Variants in COL10A1 observed in about 807,000 individuals in gnomAD.
COL10A1 encodes the protein collagen type X alpha 1 chain.
COL10A1 carries 10 observed loss-of-function variants against 18.2 expected under a neutral mutation model. The ratio of observed to expected loss-of-function variants is 0.55; its 90% CI spans 0.34 to 0.93. COL10A1 has a LOEUF of 0.93. Ranked by LOEUF, COL10A1 falls within the 40% of genes least tolerant of loss-of-function variation. COL10A1 has a pLI of 0.02. For missense variants in COL10A1, 897 were observed against 853.5 expected (o/e 1.05, Z -0.64); for synonymous variants, 330 against 316.6 (o/e 1.04, Z -0.45).
chr6:116,129,236 A>G (rs1779404257), upstream of COL10A1, among the ~76,000 whole-genome samples: 1 of 152,214 alleles, frequency 6.6e-6, no homozygotes, highest in African/African-American at 2.4e-5. Context: ...AAACATATGT[A>G]TACACATGTC....
At chr6:116,171,898 G>A in the COL10A1 span, among the ~76,000 whole-genome samples, 1 of 152,192 alleles carries the variant, frequency 6.6e-6, no homozygotes, top group African/African-American at 2.4e-5. Context: ...ATACAGGGAA[G>A]TTTAAGTCCG....
intron 1 of COL10A1, among the ~76,000 whole-genome samples, chr6:116,139,848 C>T (rs2114360626): frequency 1.3e-5 from 2 of 152,276 alleles, no homozygotes; most frequent in Non-Finnish European, 2.9e-5. Flanking sequence ...AGACCTAGTA[C>T]AGCACTTGAG....
At chr6:116,161,108 G>T (rs891340864), upstream of COL10A1, among the ~76,000 whole-genome samples, 15 of 149,100 alleles carry the variant, frequency 1.0e-4, no homozygotes, top group Non-Finnish European at 1.0e-4. Flanking sequence ...ACCAAACACC[G>T]CATGTTCTCA....
the COL10A1 span, among the ~76,000 whole-genome samples, chr6:116,206,457 A>G: frequency 1.3e-5 from 2 of 151,986 alleles, no homozygotes; most frequent in African/African-American, 2.4e-5. Context: ...ACTTGACTCA[A>G]GACTGTCTGA....
chr6:116,192,475 G>A, the COL10A1 span, among the ~76,000 whole-genome samples: 1 of 151,964 alleles, frequency 6.6e-6, no homozygotes, highest in Non-Finnish European at 1.5e-5. Context: ...ACAGATGAAA[G>A]ACTTGAAATG....
the COL10A1 span, among the ~76,000 whole-genome samples, chr6:116,193,592 A>G: frequency 6.6e-6 from 1 of 152,092 alleles, no homozygotes; most frequent in Non-Finnish European, 1.5e-5. Context: ...AGTCACTAAT[A>G]TACACAGAAT....
intron 1 of COL10A1, among the ~76,000 whole-genome samples, chr6:116,132,130 A>G (rs564492382): frequency 1.1e-4 from 16 of 152,248 alleles, no homozygotes; most frequent in African/African-American, 3.4e-4. Context: ...TATAGTGAAT[A>G]ACTTTGTGTG....
At chr6:116,139,459 C>T (rs915751827) in intron 1 of COL10A1, among the ~76,000 whole-genome samples, 1 of 151,940 alleles carries the variant, frequency 6.6e-6, no homozygotes, top group Non-Finnish European at 1.5e-5. Context: ...CTTTCAGTGT[C>T]GATACCACAA....
intron 1 of COL10A1, among the ~76,000 whole-genome samples, chr6:116,133,516 A>G (rs535524579): frequency 2.2e-4 from 34 of 152,300 alleles, no homozygotes; most frequent in African/African-American, 6.3e-4. Context: ...TTAAGTACCT[A>G]TAGGGCACCT....
At chr6:116,215,231 A>G in the COL10A1 span, among the ~76,000 whole-genome samples, 70 of 152,328 alleles carry the variant, frequency 4.6e-4, no homozygotes, top group Non-Finnish European at 9.0e-4. Flanking sequence ...CTTCTTACCC[A>G]GCTTTCTGGA....
intron 1 of COL10A1, among the ~76,000 whole-genome samples, chr6:116,144,789 C>T (rs1403181695): frequency 2.0e-5 from 3 of 151,988 alleles, no homozygotes; most frequent in East Asian, 3.9e-4. Context: ...GGTATTTGTC[C>T]CTGACAACTG....
the COL10A1 span, among the ~76,000 whole-genome samples, chr6:116,182,929 T>G: frequency 6.6e-6 from 1 of 152,174 alleles, no homozygotes; most frequent in South Asian, 2.1e-4. Flanking sequence ...TTTTGAGTTC[T>G]TGATCATGAA....
chr6:116,196,611 A>G, the COL10A1 span, among the ~76,000 whole-genome samples: 6 of 152,204 alleles, frequency 3.9e-5, no homozygotes, highest in East Asian at 7.8e-4. Flanking sequence ...AGTTGAGGTC[A>G]GGGGAACAGG....
At chr6:116,162,431 G>A (rs1780356975), upstream of COL10A1, among the ~76,000 whole-genome samples, 1 of 152,014 alleles carries the variant, frequency 6.6e-6, no homozygotes, top group South Asian at 2.1e-4. Flanking sequence ...ATGGTTCTTA[G>A]TATTTTCAGT....
At position 116,121,832 on chromosome 6, in the gene COL10A1, C is replaced by T. The variant is rs776498905; in HGVS notation, c.284G>A (p.Gly95Glu). ...YGSPGLQGEP[G>E]LPGPPGPSAV... ...TGATGGTCCCGGTGGTCCTGGCAAC[C>T]CTGGCTCTCCTTGGAGTCCAGGACT... is the stretch of plus-strand genomic sequence containing the variant. Residue 95 changes from glycine (G) to glutamate (E), a missense_variant, in exon 3 of 3, where the codon GGG (glycine) becomes GAG (glutamate). Transcript: ENST00000651968. 7 of 1,613,772 alleles carry T rather than the reference C, an allele frequency of 4.3e-6. No homozygotes were observed. The East Asian group carries it at 8.9e-5, about 21-fold the overall frequency.
the COL10A1 span, among the ~76,000 whole-genome samples, chr6:116,167,316 G>A: frequency 1.3e-4 from 19 of 147,040 alleles, no homozygotes; most frequent in East Asian, 3.2e-3. Flanking sequence ...AGGTTCCAGC[G>A]ATTCTCCTGC....
the COL10A1 span, among the ~76,000 whole-genome samples, chr6:116,166,584 C>G: frequency 6.6e-6 from 1 of 152,118 alleles, no homozygotes; most frequent in African/African-American, 2.4e-5. Context: ...CTCCATTTAC[C>G]CAGTTTCCCA....
chr6:116,120,897 C>T lies in COL10A1; in HGVS notation c.1219G>A (p.Gly407Ser). 2.5e-6 allele frequency: 4 copies of T among 1,613,976 alleles called. No homozygotes were observed. Among genetic ancestry groups the T allele is most frequent in the Non-Finnish European group, 3.4e-6 (4 of 1,179,938 alleles). Reference sequence around the variant, plus strand: ...CCAACTCCAGGATCACCTTTTGGACCTGGTAACCCTGGGTTACCCTTAGGA... The same window carrying T: ...CCAACTCCAGGATCACCTTTTGGACTTGGTAACCCTGGGTTACCCTTAGGA... ...DGPKGNPGLP[G>S]PKGDPGVGGP... The change falls in exon 3 of 3, where the codon GGT becomes AGT. Residue 407 changes from glycine to serine, a missense_variant. By Grantham distance (56) the Gly-to-Ser change is moderately conservative (BLOSUM62 0). Transcript: ENST00000651968.
At chr6:116,129,607 G>C (rs912055246), upstream of COL10A1, among the ~76,000 whole-genome samples, 1 of 152,100 alleles carries the variant, frequency 6.6e-6, no homozygotes, top group African/African-American at 2.4e-5. Flanking sequence ...CAGCATGAAC[G>C]CTCTCTCCAG....
Sources: allele counts gnomAD v4.1 joint callset (sites outside exome capture counted in the v4.1 genomes callset), GRCh38; gene constraint gnomAD v4.1.1; transcripts MANE v1.5; gene names NCBI Gene and HGNC (gene_info 2026-07-23, HGNC 2026-07-21).